VEGFC: variants seen among roughly 807,000 people sequenced by gnomAD.
The protein encoded by VEGFC is FLT4 ligand DHM.
VEGFC carries 12 observed loss-of-function variants against 46.1 expected under a neutral mutation model. That is an observed-to-expected ratio of 0.26 (90% CI 0.17 to 0.42). VEGFC has a LOEUF of 0.42. VEGFC is among the 10% of genes least tolerant of loss of function. The pLI, the probability that VEGFC is intolerant of heterozygous loss-of-function variation, is 1.00. For missense variants in VEGFC, 488 were observed against 529.4 expected (o/e 0.92, Z 0.77); for synonymous variants, 232 against 195.5 (o/e 1.19, Z -1.56).
intron 4 of VEGFC, among the ~76,000 whole-genome samples, chr4:176,708,281 A>G (rs1269700775): frequency 6.6e-6 from 1 of 151,926 alleles, no homozygotes; most frequent in Non-Finnish European, 1.5e-5. Context: ...GATTACCTTA[A>G]AAGTTTCCTG....
rs1734287079 is a variant in VEGFC, at chr4:176,695,223, G to A, written c.705-7296C>T. Among the ~76,000 whole-genome samples, 4 of 151,990 alleles carry A rather than the reference G, an allele frequency of 2.6e-5. No homozygotes were observed. In the South Asian group the frequency reaches 8.3e-4, roughly 32 times the overall value. On this transcript the variant is annotated intron_variant, in intron 4 of 6. Transcript: ENST00000618562. ...TTTGAAGGGATCAACAAAATTGATAGACTGCTAGCAAGACTAATAAAGAAA... is the reference window on the plus strand; with the variant it reads ...TTTGAAGGGATCAACAAAATTGATAAACTGCTAGCAAGACTAATAAAGAAA...
At chr4:176,703,436 A>T (rs967913401) in intron 4 of VEGFC, among the ~76,000 whole-genome samples, 8 of 152,032 alleles carry the variant, frequency 5.3e-5, no homozygotes, top group Non-Finnish European at 1.2e-4. Flanking sequence ...ATCTCACGGA[A>T]GTAGAGAGTA....
rs188593829 is a variant in VEGFC at position 176,719,796 on chromosome 4, C to T, written c.552+7982G>A. On this transcript the variant is annotated intron_variant, in intron 3 of 6. Coordinates refer to ENST00000618562, the MANE Select transcript of VEGFC (RefSeq NM_005429.5). ...AAACTATCTGCCGGGTGCGGTGGCTCATGCCTGTAATCCCAGCACATTGGG... is the reference window on the plus strand; with the variant it reads ...AAACTATCTGCCGGGTGCGGTGGCTTATGCCTGTAATCCCAGCACATTGGG... Among the ~76,000 whole-genome samples, 17 of 152,258 alleles carry T rather than the reference C, an allele frequency of 1.1e-4. No individual in the cohort carries two copies. The East Asian group carries it at 3.3e-3, about 29-fold the overall frequency.
intron 1 of VEGFC, among the ~76,000 whole-genome samples, chr4:176,762,691 C>A (rs1735552243): frequency 6.6e-6 from 1 of 152,150 alleles, no homozygotes; most frequent in Admixed American, 6.5e-5. Context: ...TATGTTTAAA[C>A]ATATGTGTGT....
intron 1 of VEGFC, among the ~76,000 whole-genome samples, chr4:176,770,806 C>T (rs1440334428): frequency 2.0e-5 from 3 of 152,054 alleles, no homozygotes; most frequent in African/African-American, 4.8e-5. Context: ...CTGTCATAGA[C>T]TTTTCTTGTT....
intron 1 of VEGFC, among the ~76,000 whole-genome samples, chr4:176,748,487 A>T (rs1450919687): frequency 6.6e-6 from 1 of 152,036 alleles, no homozygotes; most frequent in Admixed American, 6.6e-5. Flanking sequence ...TATTTCAAGT[A>T]GTACGTATAC....
At chr4:176,726,964 T>C (rs1734882251) in intron 3 of VEGFC, among the ~76,000 whole-genome samples, 1 of 152,220 alleles carries the variant, frequency 6.6e-6, no homozygotes, top group African/African-American at 2.4e-5. Context: ...AACCACAGTT[T>C]TGTCTTTCGG....
chr4:176,726,094 A>C (rs1734869904), intron 3 of VEGFC, among the ~76,000 whole-genome samples: 1 of 152,116 alleles, frequency 6.6e-6, no homozygotes, highest in Non-Finnish European at 1.5e-5. Flanking sequence ...TTTGATAAAG[A>C]CTCAGGGAGG....
chr4:176,792,917 G>T lies in VEGFC; in HGVS notation c.-606C>A, dbSNP rs1016176213. On this transcript the variant is annotated 5_prime_UTR_variant, in exon 1 of 7. It adds an upstream start codon to the 5' untranslated region. Transcript: ENST00000618562. The surrounding 1 kb of genome is among the most constrained non-coding windows in gnomAD (Gnocchi z 6.3). ...GGCGGCGGCGGCGGGCGCAGGGGCAGGGCATGACTGACGCGCCCTCTGCCT... is the reference window on the plus strand; with the variant it reads ...GGCGGCGGCGGCGGGCGCAGGGGCATGGCATGACTGACGCGCCCTCTGCCT... Among the ~76,000 whole-genome samples, 1 of 150,776 alleles carries T rather than the reference G, an allele frequency of 6.6e-6. No individual in the cohort carries two copies. Among genetic ancestry groups the T allele is most frequent in the African/African-American group, 2.4e-5 (1 of 41,336 alleles).
intron 1 of VEGFC, among the ~76,000 whole-genome samples, chr4:176,772,609 C>T (rs764680591): frequency 6.6e-6 from 1 of 152,188 alleles, no homozygotes; most frequent in Non-Finnish European, 1.5e-5. Flanking sequence ...GAAATTTAAT[C>T]CCCAATGCAA....
intron 1 of VEGFC, among the ~76,000 whole-genome samples, chr4:176,758,342 C>T (rs1483571539): frequency 6.6e-6 from 1 of 152,140 alleles, no homozygotes; most frequent in Non-Finnish European, 1.5e-5. Flanking sequence ...GTTTGCCACA[C>T]TTCAGTCACC....
chr4:176,697,268 G>T (rs1374884561), intron 4 of VEGFC, among the ~76,000 whole-genome samples: 1 of 147,694 alleles, frequency 6.8e-6, no homozygotes, highest in East Asian at 2.0e-4. Context: ...AATCTACAAT[G>T]AACTCAAACA....
intron 1 of VEGFC, among the ~76,000 whole-genome samples, chr4:176,773,237 A>G (rs976895643): frequency 1.3e-5 from 2 of 152,218 alleles, no homozygotes; most frequent in African/African-American, 4.8e-5. Context: ...TGAAGCACAG[A>G]AGGCCAAACT....
intron 3 of VEGFC, among the ~76,000 whole-genome samples, chr4:176,712,490 C>T (rs568216653): frequency 2.0e-5 from 3 of 152,184 alleles, no homozygotes; most frequent in East Asian, 1.9e-4. Context: ...ATTTAAATTC[C>T]TAGTGTTCTT....
chr4:176,715,142 TAAAG>T (rs1734676962), intron 3 of VEGFC, among the ~76,000 whole-genome samples: 1 of 152,294 alleles, frequency 6.6e-6, no homozygotes, highest in South Asian at 2.1e-4. Context: ...AATCACAACA[TAAAG>T]GAATCAAAAT....
intron 4 of VEGFC, among the ~76,000 whole-genome samples, chr4:176,710,502 C>T (rs1357247367): frequency 6.6e-6 from 1 of 152,136 alleles, no homozygotes; most frequent in African/African-American, 2.4e-5. Flanking sequence ...AGGGGTCCCC[C>T]TATCTGCCAC....
Position 176,711,512 on chromosome 4 carries a change from C to G in VEGFC, c.691G>C (p.Ala231Pro), listed in dbSNP as rs766283110. ...ATTCATACTCACTGTGGTAGTGTTG[C>G]TGGCAGGGAACGTCTAATAATGGAA... ...VHSIIRRSLP[A>P]TLPQCQAANK... Residue 231 changes from alanine to proline, a missense_variant, in exon 4 of 7, where the codon GCA (alanine) becomes CCA (proline). Transcript: ENST00000618562. 6.2e-7 allele frequency: 1 copy of G among 1,612,044 alleles called. No individual in the cohort carries two copies. The highest frequency in any genetic ancestry group is 8.5e-7 in the Non-Finnish European group (1 of 1,178,928).
At chr4:176,744,042 A>G (rs1451320406) in intron 1 of VEGFC, among the ~76,000 whole-genome samples, 1 of 151,998 alleles carries the variant, frequency 6.6e-6, no homozygotes, top group Non-Finnish European at 1.5e-5. Flanking sequence ...TCTCAAATTC[A>G]TTACCTGACT....
intron 1 of VEGFC, among the ~76,000 whole-genome samples, chr4:176,775,715 G>A (rs1398739847): frequency 6.6e-6 from 1 of 152,194 alleles, no homozygotes; most frequent in Non-Finnish European, 1.5e-5. Flanking sequence ...TAGTTCAAGT[G>A]TTTAATTACT....
Sources: allele counts gnomAD v4.1 joint callset (sites outside exome capture counted in the v4.1 genomes callset), GRCh38; gene constraint gnomAD v4.1.1; non-coding constraint Gnocchi (gnomAD v3.1); transcripts MANE v1.5; gene names NCBI Gene and HGNC (gene_info 2026-07-23, HGNC 2026-07-21).